The following POLR1C variants were observed in gnomAD, a reference collection of about 807,000 sequenced individuals.
POLR1C encodes the protein DNA-directed RNA polymerases I and III subunit RPAC1.
Under a neutral mutation model 38.3 loss-of-function variants are expected in POLR1C, and 42 were observed. The ratio of observed to expected loss-of-function variants is 1.10; its 90% CI spans 0.86 to 1.42. The LOEUF is 1.42. POLR1C is among the 40% of genes most tolerant of loss of function. The pLI, the probability that POLR1C is intolerant of heterozygous loss-of-function variation, is 0.00. For synonymous variants in POLR1C, 163 were observed against 163.9 expected (o/e 0.99, Z 0.04); for missense variants, 507 against 450.5 (o/e 1.13, Z -1.14).
intron 10 of POLR1C, chr6:43,553,324 G>C (rs773553541): frequency 6.4e-7 from 1 of 1,568,600 alleles, no homozygotes; most frequent in South Asian, 1.2e-5. Flanking sequence ...GAAAAGAAAA[G>C]AAAAAGGTCA....
chr6:43,524,580 T>G (rs781149485), downstream of POLR1C: 1 of 1,613,984 alleles, frequency 6.2e-7, no homozygotes, highest in South Asian at 1.1e-5. Flanking sequence ...CAGTGAGTCC[T>G]TCTGTATTTC....
downstream of POLR1C, chr6:43,525,623 T>C (rs1025549069): frequency 1.7e-6 from 1 of 573,846 alleles, no homozygotes; most frequent in Non-Finnish European, 3.1e-6. Flanking sequence ...GTGTGCCTAC[T>C]ATGTGTTTTC....
chr6:43,550,032 C>T lies in POLR1C; in HGVS notation c.*5-936C>T, dbSNP rs73426772. The T allele has an allele frequency of 1.5e-3, 1,919 of 1,263,886 alleles. 17 individuals are homozygous for T. The African/African-American group carries it at 0.019, about 13-fold the overall frequency. 78.3% of individuals were successfully genotyped at this position (1,263,886 alleles called of 1,614,324 possible). On this transcript the variant is annotated intron_variant, in intron 9 of 10. Transcript: ENST00000607635. ...ACTAGACTTGAATTCCTGGGCTCAA[C>T]TGATTCTCCTGCTTTAGCCTTCTGA...
At chr6:43,523,541 T>C (rs917863695), downstream of POLR1C, 5 of 499,562 alleles carry the variant, frequency 1.0e-5, no homozygotes, top group African/African-American at 7.8e-5. Flanking sequence ...TGTACAGGTA[T>C]GTGGCTGCAC....
chr6:43,519,377 G>GT lies in POLR1C; in HGVS notation c.189dup (p.Asp64Ter). 1 of 1,614,064 alleles carries GT rather than the reference G, an allele frequency of 6.2e-7. No individual in the cohort carries two copies. Among genetic ancestry groups the GT allele is most frequent in the Non-Finnish European group, 8.5e-7 (1 of 1,179,910 alleles). The stretch of plus-strand genomic sequence containing the variant: ...TACACATGGATGAAAACTCACTGGA[G>GT]TTTGACATGGTGGGAATTGACGCAG... On this transcript the variant is annotated frameshift_variant, in exon 3 of 9. Coordinates refer to ENST00000642195, the MANE Select transcript of POLR1C (RefSeq NM_203290.4). LOFTEE classifies it high-confidence loss of function.
At chr6:43,544,786 G>A (rs1013759443) in intron 9 of POLR1C, among the ~76,000 whole-genome samples, 1 of 152,142 alleles carries the variant, frequency 6.6e-6, no homozygotes, top group African/African-American at 2.4e-5. Flanking sequence ...GCCTCTTCTT[G>A]ACTAAATGTT....
chr6:43,531,427 A>G (rs1015263502), downstream of POLR1C: 2 of 1,533,222 alleles, frequency 1.3e-6, no homozygotes, highest in African/African-American at 2.7e-5. Context: ...GGACATTCCT[A>G]TACAATACAT....
rs746655084 is a variant in POLR1C at position 43,521,195 on chromosome 6, A to G, written c.936A>G (p.Ser312=). The part of the protein sequence containing the change: ...VRDHYIFSVE[S]TGVLPPDVLV... ...TTTGGTCCCCAGTCTCTGTTGAGTC[A>G]ACGGGGGTGTTGCCACCAGATGTGC... is the stretch of plus-strand genomic sequence containing the variant. The change falls in exon 9 of 9, where the codon TCA becomes TCG. Residue 312 remains serine, a synonymous_variant. Coordinates refer to ENST00000642195, the MANE Select transcript of POLR1C (RefSeq NM_203290.4). 2.4e-5 allele frequency: 38 copies of G among 1,614,128 alleles called. 1 individual carries two copies. In the South Asian group the frequency reaches 3.5e-4, roughly 15 times the overall value.
chr6:43,551,958 T>C (rs2127733651), intron 10 of POLR1C, among the ~76,000 whole-genome samples: 1 of 152,318 alleles, frequency 6.6e-6, no homozygotes, highest in African/African-American at 2.4e-5. Context: ...TGAACCACCG[T>C]ACTCAGCTGT....
At chr6:43,553,428 A>C (rs774990366) in intron 10 of POLR1C, 1 of 1,602,662 alleles carries the variant, frequency 6.2e-7, no homozygotes. Flanking sequence ...AAAAAGAGTC[A>C]TGGCTTCCCA....
At chr6:43,543,740 G>C (rs560025616) in intron 9 of POLR1C, among the ~76,000 whole-genome samples, 1 of 151,750 alleles carries the variant, frequency 6.6e-6, no homozygotes, top group East Asian at 1.9e-4. Context: ...TCTTCCCTGT[G>C]ATCTTGGCTC....
At chr6:43,526,685 C>T (rs749265659) in intron 8 of POLR1C, 12 of 1,613,730 alleles carry the variant, frequency 7.4e-6, no homozygotes, top group Admixed American at 3.3e-5. Context: ...GCTCACTTAC[C>T]GTCTCCATCT....
intron 9 of POLR1C, among the ~76,000 whole-genome samples, chr6:43,541,083 G>A (rs1391313541): frequency 6.6e-6 from 1 of 152,146 alleles, no homozygotes; most frequent in Non-Finnish European, 1.5e-5. Context: ...AGAGTGTAAG[G>A]ATGGTTAGCA....
chr6:43,526,203 C>A, downstream of POLR1C: 1 of 450,688 alleles, frequency 2.2e-6, no homozygotes. Flanking sequence ...TATTTGAGCA[C>A]CAGACACTGA....
downstream of POLR1C, chr6:43,525,274 T>A: frequency 1.3e-6 from 2 of 1,489,634 alleles, no homozygotes; most frequent in Non-Finnish European, 9.1e-7. Context: ...CTCTGATGAT[T>A]ATTACACATC....
intron 9 of POLR1C, among the ~76,000 whole-genome samples, chr6:43,537,395 T>C (rs1395315500): frequency 6.6e-6 from 1 of 152,188 alleles, no homozygotes; most frequent in East Asian, 1.9e-4. Flanking sequence ...GATTATCTGC[T>C]AAAAAACTGA....
At position 43,549,702 on chromosome 6, in the gene POLR1C, T is replaced by C. The variant is rs1199589431; in HGVS notation, c.*5-1266T>C. ...ATGATTTTTCACAACCCTAAGAGTA[T>C]AATGGAGTAACATTTATAGCCACCA... On this transcript the variant is annotated intron_variant, in intron 9 of 10. Coordinates refer to the POLR1C transcript ENST00000607635. The C allele has an allele frequency of 1.1e-5, 14 of 1,265,860 alleles. No homozygotes were observed. The East Asian group carries it at 3.4e-4, about 30-fold the overall frequency. The allele number at this position is 1,265,860 out of a possible 1,614,324, so 78.4% of individuals were successfully genotyped here.
At chr6:43,545,078 G>A (rs1001268679) in intron 9 of POLR1C, among the ~76,000 whole-genome samples, 4 of 151,840 alleles carry the variant, frequency 2.6e-5, no homozygotes, top group African/African-American at 9.7e-5. Flanking sequence ...TCATCATGTT[G>A]GCCAGGCTGG....
Position 43,519,411 on chromosome 6 carries a change from A to G in POLR1C, c.220A>G (p.Asn74Asp). ...GGTGGGAATTGACGCAGCCATTGCC[A>G]ATGCTTTTCGACGAATTCTGCTAGC... ...DMVGIDAAIA[N>D]AFRRILLAEV... Residue 74 changes from asparagine to aspartate, a missense_variant, in exon 3 of 9, where the codon AAT becomes GAT. Transcript: ENST00000642195. The G allele has an allele frequency of 6.2e-7, 1 of 1,613,856 alleles. No homozygotes were observed. The highest frequency in any genetic ancestry group is 8.5e-7 in the Non-Finnish European group (1 of 1,179,724).
Sources: gnomAD v4.1 joint callset for allele counts (sites outside exome capture counted in the v4.1 genomes callset) on GRCh38, gnomAD v4.1.1 for gene constraint, MANE v1.5 for transcripts, NCBI Gene and HGNC (gene_info 2026-07-23, HGNC 2026-07-21) for gene names.